Variants in F13A1 observed in about 807,000 individuals in gnomAD.
F13A1 encodes coagulation factor XIII A chain.
F13A1 carries 47 observed loss-of-function variants against 80.1 expected under a neutral mutation model. That is an observed-to-expected ratio of 0.59 (90% CI 0.46 to 0.75). The LOEUF is 0.75. Among genes scored for constraint, F13A1 ranks in the 30% least tolerant of loss-of-function variants. The pLI is 0.00. For synonymous variants in F13A1, 349 were observed against 344.9 expected (o/e 1.01, Z -0.13); for missense variants, 817 against 930.4 (o/e 0.88, Z 1.59).
chr6:6,167,647 G>A (rs776595899), intron 12 of F13A1, 29 bp from the exon 13 acceptor site: 14 of 1,611,040 alleles, frequency 8.7e-6, no homozygotes, highest in Non-Finnish European at 1.2e-5. Flanking sequence ...CACAGGCCTG[G>A]CATCAAGACT....
chr6:6,144,761 A>G lies in F13A1; in HGVS notation c.*858T>C, dbSNP rs1436831249. 6.6e-6 allele frequency: 1 copy of G among 152,590 alleles called. No homozygotes were observed. The highest frequency in any genetic ancestry group is 1.5e-5 in the Non-Finnish European group (1 of 68,028). 9.5% of individuals were successfully genotyped at this position (152,590 alleles called of 1,614,324 possible). On this transcript the variant is annotated 3_prime_UTR_variant, in exon 15 of 15. Transcript: ENST00000264870. ...GGACCTGAACCTGCATCATTCTGCAAAGGAGATGATTCCTGAGAGATGGGT... is the reference window on the plus strand; with the variant it reads ...GGACCTGAACCTGCATCATTCTGCAGAGGAGATGATTCCTGAGAGATGGGT...
intron 4 of F13A1, among the ~76,000 whole-genome samples, chr6:6,258,931 T>C (rs560527995): frequency 3.9e-5 from 6 of 152,330 alleles, no homozygotes; most frequent in Admixed American, 2.0e-4. Flanking sequence ...CAGTTTTGTG[T>C]TCTTCTTGTG....
intron 11 of F13A1, among the ~76,000 whole-genome samples, chr6:6,175,782 G>A (rs1260883521): frequency 1.3e-5 from 2 of 152,246 alleles, no homozygotes; most frequent in African/African-American, 4.8e-5. Flanking sequence ...AGGTGTGTGT[G>A]CTGCTTTTAG....
At chr6:6,251,602 G>A (rs1757634113) in intron 4 of F13A1, among the ~76,000 whole-genome samples, 1 of 152,152 alleles carries the variant, frequency 6.6e-6, no homozygotes, top group Non-Finnish European at 1.5e-5. Context: ...AGGCCTGGTG[G>A]GAGAGCAGCA....
At chr6:6,204,934 C>A (rs1458772899) in intron 8 of F13A1, among the ~76,000 whole-genome samples, 1 of 152,188 alleles carries the variant, frequency 6.6e-6, no homozygotes, top group Non-Finnish European at 1.5e-5. Context: ...TAGGCCAGGG[C>A]CCCTGTCCTC....
At chr6:6,181,859 T>C in intron 11 of F13A1, 129 bp downstream of exon 11, 1 of 1,007,764 alleles carries the variant, frequency 9.9e-7, no homozygotes, top group Non-Finnish European at 1.5e-6. Flanking sequence ...CGTGAAAGTT[T>C]ATACTTCTGC....
intron 13 of F13A1, among the ~76,000 whole-genome samples, chr6:6,160,209 G>A (rs1385476316): frequency 2.0e-5 from 3 of 147,694 alleles, no homozygotes; most frequent in Admixed American, 6.7e-5. Flanking sequence ...CCCAGGAGAC[G>A]AAGGTTGCAG....
intron 10 of F13A1, among the ~76,000 whole-genome samples, chr6:6,186,049 A>G (rs1293778693): frequency 2.5e-4 from 37 of 150,130 alleles, no homozygotes; most frequent in African/African-American, 3.7e-4. Flanking sequence ...CATGTCCTTC[A>G]CCCACTTTTT....
At chr6:6,200,525 T>G (rs1459770095) in intron 8 of F13A1, among the ~76,000 whole-genome samples, 1 of 143,994 alleles carries the variant, frequency 6.9e-6, no homozygotes, top group Non-Finnish European at 1.5e-5. Context: ...CACTCCATCC[T>G]GGAAGACAGA....
chr6:6,190,473 A>G (rs143457156), intron 10 of F13A1, among the ~76,000 whole-genome samples: 16,696 of 143,908 alleles, frequency 0.12, 1,710 homozygotes, highest in Non-Finnish European at 0.16. Context: ...GTCTGTTGGA[A>G]TACCCTGCTG....
chr6:6,260,325 G>T (rs1757761245), intron 4 of F13A1, among the ~76,000 whole-genome samples: 1 of 152,206 alleles, frequency 6.6e-6, no homozygotes, highest in African/African-American at 2.4e-5. Context: ...AATAAGTGCT[G>T]TGCATGCTGC....
intron 5 of F13A1, among the ~76,000 whole-genome samples, chr6:6,249,147 T>C (rs1352860188): frequency 2.6e-5 from 4 of 152,188 alleles, no homozygotes; most frequent in Non-Finnish European, 5.9e-5. Context: ...TACCTCACTG[T>C]AGTAAGAGAT....
intron 14 of F13A1, among the ~76,000 whole-genome samples, chr6:6,148,483 G>A (rs1017601998): frequency 2.6e-5 from 4 of 152,174 alleles, no homozygotes; most frequent in Non-Finnish European, 2.9e-5. Flanking sequence ...AACTATTTAA[G>A]AGCTGTATTC....
At chr6:6,213,595 C>T (rs1391626632) in intron 8 of F13A1, among the ~76,000 whole-genome samples, 6 of 144,216 alleles carry the variant, frequency 4.2e-5, no homozygotes, top group Non-Finnish European at 4.6e-5. Flanking sequence ...TAAAGACCAT[C>T]GAGACTAGGA....
chr6:6,282,041 T>A (rs1758074536), intron 3 of F13A1, among the ~76,000 whole-genome samples: 1 of 147,050 alleles, frequency 6.8e-6, no homozygotes. Flanking sequence ...GAGTCATGAA[T>A]CAGGGGTCAC....
intron 13 of F13A1, among the ~76,000 whole-genome samples, chr6:6,153,874 T>C (rs1409909606): frequency 1.3e-5 from 2 of 152,180 alleles, no homozygotes; most frequent in Non-Finnish European, 2.9e-5. Context: ...ATAATAATAG[T>C]TATTCCCTTA....
intron 9 of F13A1, among the ~76,000 whole-genome samples, chr6:6,196,699 G>C (rs1043448315): frequency 6.6e-6 from 1 of 152,150 alleles, no homozygotes; most frequent in Non-Finnish European, 1.5e-5. Flanking sequence ...TAAAAATCTG[G>C]GGGAGGTCAG....
intron 4 of F13A1, among the ~76,000 whole-genome samples, chr6:6,255,114 C>T (rs1307757980): frequency 6.6e-6 from 1 of 152,066 alleles, no homozygotes; most frequent in African/African-American, 2.4e-5. Flanking sequence ...ACCTTGTTCC[C>T]TTAGTGCCCT....
chr6:6,182,642 C>T (rs1444962304), intron 10 of F13A1, among the ~76,000 whole-genome samples: 1 of 152,128 alleles, frequency 6.6e-6, no homozygotes, highest in Non-Finnish European at 1.5e-5. Flanking sequence ...CAGGTGTTTT[C>T]AGGTGAAGGG....
Sources: gnomAD v4.1 joint callset for allele counts (sites outside exome capture counted in the v4.1 genomes callset) on GRCh38, gnomAD v4.1.1 for gene constraint, MANE v1.5 for transcripts, NCBI Gene and HGNC (gene_info 2026-07-23, HGNC 2026-07-21) for gene names.